Variants in CSMD3 observed in about 807,000 individuals in gnomAD.
CSMD3 encodes the protein CUB and sushi domain-containing protein 3.
A neutral mutation model predicts 435.2 loss-of-function variants in CSMD3; 177 were observed. The observed-to-expected ratio is 0.41, with a 90% CI of 0.36 to 0.46. CSMD3 has a LOEUF of 0.46. Ranked by LOEUF, CSMD3 falls within the 20% of genes least tolerant of loss-of-function variation. CSMD3 has a pLI of 0.34. For synonymous variants in CSMD3, 1,656 were observed against 1,520.5 expected (o/e 1.09, Z -2.07); for missense variants, 4,265 against 4,504.6 (o/e 0.95, Z 1.52).
intron 1 of CSMD3, among the ~76,000 whole-genome samples, chr8:113,363,507 A>C (rs2094291458): frequency 1.3e-5 from 2 of 152,092 alleles, no homozygotes; most frequent in African/African-American, 4.8e-5. Flanking sequence ...TTTGACTAGG[A>C]TGTATTTCAG....
At chr8:112,275,286 G>A (rs1442817302) in intron 59 of CSMD3, among the ~76,000 whole-genome samples, 3 of 152,128 alleles carry the variant, frequency 2.0e-5, no homozygotes, top group East Asian at 3.9e-4. Flanking sequence ...GGTGGCTCTC[G>A]CCTGTAACCC....
chr8:112,798,679 C>T (rs2078885843), intron 13 of CSMD3, among the ~76,000 whole-genome samples: 1 of 151,784 alleles, frequency 6.6e-6, no homozygotes, highest in Non-Finnish European at 1.5e-5. Context: ...GATAGAACTC[C>T]CTGTTGCTCC....
chr8:112,302,863 T>C (rs1057268754), intron 52 of CSMD3, among the ~76,000 whole-genome samples: 3 of 151,006 alleles, frequency 2.0e-5, no homozygotes, highest in African/African-American at 7.3e-5. Context: ...TATACTAATA[T>C]TATTATTAAT....
intron 6 of CSMD3, among the ~76,000 whole-genome samples, chr8:112,999,580 T>C (rs1397294343): frequency 6.6e-6 from 1 of 151,730 alleles, no homozygotes; most frequent in Non-Finnish European, 1.5e-5. Flanking sequence ...TTTTTAAATA[T>C]CACTTGGTTG....
At chr8:112,832,244 C>T (rs928612034) in intron 11 of CSMD3, among the ~76,000 whole-genome samples, 2 of 152,118 alleles carry the variant, frequency 1.3e-5, no homozygotes, top group Admixed American at 6.6e-5. Flanking sequence ...ATATTCTAAT[C>T]CCTCGGTGTA....
chr8:112,778,401 C>T (rs2078297706), intron 13 of CSMD3, among the ~76,000 whole-genome samples: 1 of 151,944 alleles, frequency 6.6e-6, no homozygotes, highest in African/African-American at 2.4e-5. Flanking sequence ...CTGGAAACCA[C>T]TGATAATTTT....
intron 32 of CSMD3, among the ~76,000 whole-genome samples, chr8:112,418,035 C>T (rs1812099913): frequency 6.6e-6 from 1 of 152,118 alleles, no homozygotes; most frequent in Non-Finnish European, 1.5e-5. Flanking sequence ...AATTGTATCA[C>T]CCCTGTTTTG....
intron 1 of CSMD3, among the ~76,000 whole-genome samples, chr8:113,428,238 A>G (rs1586182451): frequency 2.0e-5 from 3 of 150,792 alleles, no homozygotes; most frequent in African/African-American, 7.3e-5. Flanking sequence ...CTATCTATCT[A>G]TCTATCTATC....
intron 32 of CSMD3, among the ~76,000 whole-genome samples, chr8:112,428,579 A>G (rs758002873): frequency 5.3e-5 from 8 of 152,178 alleles, no homozygotes; most frequent in Non-Finnish European, 1.0e-4. Flanking sequence ...TCCTGCCTTC[A>G]AAAATTTCAC....
At chr8:113,175,637 T>G (rs2131900163) in intron 3 of CSMD3, among the ~76,000 whole-genome samples, 1 of 152,174 alleles carries the variant, frequency 6.6e-6, no homozygotes, top group Admixed American at 6.6e-5. Flanking sequence ...TTGAAATACT[T>G]AATTTTTTGG....
intron 31 of CSMD3, among the ~76,000 whole-genome samples, chr8:112,490,372 G>A (rs1820563973): frequency 6.6e-6 from 1 of 152,000 alleles, no homozygotes; most frequent in African/African-American, 2.4e-5. Flanking sequence ...ACTTAATTGG[G>A]CCATAAGTGA....
At chr8:112,714,218 A>C (rs1031309579) in intron 13 of CSMD3, among the ~76,000 whole-genome samples, 4 of 152,048 alleles carry the variant, frequency 2.6e-5, no homozygotes, top group African/African-American at 9.7e-5. Flanking sequence ...AAATAAAAGG[A>C]TGGAGAAAAA....
intron 13 of CSMD3, among the ~76,000 whole-genome samples, chr8:112,783,740 A>G (rs2078462377): frequency 6.6e-6 from 1 of 152,018 alleles, no homozygotes; most frequent in Non-Finnish European, 1.5e-5. Context: ...AAATACATGG[A>G]TGGAAAAAGA....
intron 32 of CSMD3, among the ~76,000 whole-genome samples, chr8:112,443,607 T>C (rs1815281041): frequency 6.6e-6 from 1 of 152,084 alleles, no homozygotes; most frequent in African/African-American, 2.4e-5. Context: ...TTTTGGTTCA[T>C]TTGTTTATAA....
chr8:113,219,395 A>G lies in CSMD3; in HGVS notation c.515-45479T>C, dbSNP rs554954684. Among the ~76,000 whole-genome samples, 4 of 151,512 alleles carry G rather than the reference A, an allele frequency of 2.6e-5. No homozygotes were observed. In the South Asian group the frequency reaches 6.2e-4, roughly 24 times the overall value. On this transcript the variant is annotated intron_variant, in intron 3 of 70. Transcript: ENST00000297405. ...TCTGCAAATTAGCAAATAGAACACTAAATGCAAAAAAAAATACAGGCACAA... is the reference window on the plus strand; with the variant it reads ...TCTGCAAATTAGCAAATAGAACACTGAATGCAAAAAAAAATACAGGCACAA...
At chr8:112,664,006 A>T (rs887842568) in intron 17 of CSMD3, among the ~76,000 whole-genome samples, 1 of 152,088 alleles carries the variant, frequency 6.6e-6, no homozygotes. Flanking sequence ...AAGTCTTTTT[A>T]CTTGAATATT....
chr8:112,622,455 G>A (rs771406483), intron 22 of CSMD3, among the ~76,000 whole-genome samples: 4 of 152,130 alleles, frequency 2.6e-5, no homozygotes, highest in African/African-American at 4.8e-5. Flanking sequence ...CGTAATGGAT[G>A]TCCATCACTT....
At chr8:112,888,484 G>A (rs1462629663) in intron 10 of CSMD3, among the ~76,000 whole-genome samples, 1 of 151,570 alleles carries the variant, frequency 6.6e-6, no homozygotes, top group African/African-American at 2.4e-5. Flanking sequence ...TCAAGGAGCA[G>A]CAATGGGGAA....
intron 38 of CSMD3, among the ~76,000 whole-genome samples, chr8:112,377,875 G>T (rs1375644851): frequency 6.6e-6 from 1 of 151,968 alleles, no homozygotes; most frequent in Non-Finnish European, 1.5e-5. Context: ...TATATGAAAA[G>T]CCCATAACTA....
Sources: gnomAD v4.1 joint callset for allele counts (sites outside exome capture counted in the v4.1 genomes callset) on GRCh38, gnomAD v4.1.1 for gene constraint, MANE v1.5 for transcripts, NCBI Gene and HGNC (gene_info 2026-07-23, HGNC 2026-07-21) for gene names.